Variants in SLC44A1 observed in about 807,000 individuals in gnomAD.
SLC44A1 encodes choline transporter-like protein 1.
SLC44A1 carries 26 observed loss-of-function variants against 79.3 expected under a neutral mutation model. That is an observed-to-expected ratio of 0.33 (90% CI 0.24 to 0.46). SLC44A1 has a LOEUF of 0.46. Ranked by LOEUF, SLC44A1 falls within the 20% of genes least tolerant of loss-of-function variation. The pLI is 1.00. For missense variants in SLC44A1, 688 were observed against 798.1 expected (o/e 0.86, Z 1.66); for synonymous variants, 263 against 286.2 (o/e 0.92, Z 0.82).
At chr9:105,340,626 T>C (rs1276286106) in intron 4 of SLC44A1, among the ~76,000 whole-genome samples, 1 of 152,244 alleles carries the variant, frequency 6.6e-6, no homozygotes, top group Non-Finnish European at 1.5e-5. Context: ...TTATACCTTA[T>C]TTTAAGATGC....
At chr9:105,386,115 G>A (rs532846816) in intron 15 of SLC44A1, 25 of 983,808 alleles carry the variant, frequency 2.5e-5, no homozygotes, top group Non-Finnish European at 2.9e-5. Context: ...CAGTTTAATT[G>A]TGAGATGGAT....
chr9:105,338,843 A>G (rs951220673), intron 4 of SLC44A1, among the ~76,000 whole-genome samples: 2 of 152,218 alleles, frequency 1.3e-5, no homozygotes, highest in Non-Finnish European at 2.9e-5. Context: ...TTTAGCCTCA[A>G]ATATATAGAC....
intron 3 of SLC44A1, among the ~76,000 whole-genome samples, chr9:105,316,505 T>G (rs755193504): frequency 1.2e-4 from 19 of 152,204 alleles, no homozygotes; most frequent in Admixed American, 1.1e-3. Context: ...AGCTGTTGAA[T>G]TATGGATGGT....
intron 3 of SLC44A1, among the ~76,000 whole-genome samples, chr9:105,310,872 A>G (rs1327897300): frequency 1.3e-5 from 2 of 152,224 alleles, no homozygotes; most frequent in South Asian, 2.1e-4. Flanking sequence ...AAATAAACAA[A>G]ATTGTAAATA....
intron 4 of SLC44A1, among the ~76,000 whole-genome samples, chr9:105,347,289 TATTTAATA>T (rs1827270438): frequency 6.6e-6 from 1 of 152,066 alleles, no homozygotes; most frequent in East Asian, 1.9e-4. Flanking sequence ...CTATTCTGTT[TATTTAATA>T]ATAAAGTATT....
At chr9:105,247,668 G>C (rs1829490000) in intron 1 of SLC44A1, among the ~76,000 whole-genome samples, 1 of 152,164 alleles carries the variant, frequency 6.6e-6, no homozygotes, top group Non-Finnish European at 1.5e-5. Flanking sequence ...AGCTTCTTGA[G>C]CACAGGAACT....
At chr9:105,381,951 C>T (rs1377814328) in intron 13 of SLC44A1, among the ~76,000 whole-genome samples, 1 of 152,170 alleles carries the variant, frequency 6.6e-6, no homozygotes, top group African/African-American at 2.4e-5. Flanking sequence ...TGCCATGATT[C>T]TAGGGGTCTC....
intron 5 of SLC44A1, among the ~76,000 whole-genome samples, chr9:105,351,593 AAAG>A (rs1564452713): frequency 2.9e-4 from 37 of 129,734 alleles, no homozygotes; most frequent in African/African-American, 4.1e-4. Flanking sequence ...AGAAAGAGAG[AAAG>A]AGAAAGAAAG....
At chr9:105,297,167 G>A (rs959358512) in intron 1 of SLC44A1, among the ~76,000 whole-genome samples, 8 of 152,024 alleles carry the variant, frequency 5.3e-5, no homozygotes, top group African/African-American at 1.7e-4. Context: ...CAAGCTAACT[G>A]GTTGTGTTTT....
chr9:105,282,175 T>TA (rs1486032540), intron 1 of SLC44A1, among the ~76,000 whole-genome samples: 1 of 152,112 alleles, frequency 6.6e-6, no homozygotes, highest in Non-Finnish European at 1.5e-5. Flanking sequence ...GGTTTATAGA[T>TA]ACATGTGTTT....
intron 1 of SLC44A1, among the ~76,000 whole-genome samples, chr9:105,260,528 C>T (rs1432292857): frequency 1.3e-5 from 2 of 152,190 alleles, no homozygotes; most frequent in Admixed American, 6.5e-5. Context: ...ACTTTAAGTG[C>T]ATCACAAACT....
intron 13 of SLC44A1, among the ~76,000 whole-genome samples, chr9:105,382,687 G>A (rs971450278): frequency 6.6e-6 from 1 of 152,092 alleles, no homozygotes; most frequent in African/African-American, 2.4e-5. Flanking sequence ...AAAGCTTATA[G>A]TGATTTGTTT....
chr9:105,382,898 A>T (rs1828514497), intron 13 of SLC44A1, among the ~76,000 whole-genome samples: 1 of 152,218 alleles, frequency 6.6e-6, no homozygotes, highest in African/African-American at 2.4e-5. Context: ...ATTATGTTTA[A>T]ACCAGAATCA....
chr9:105,404,793 C>T (rs1243230038), intron 15 of SLC44A1, among the ~76,000 whole-genome samples: 1 of 152,200 alleles, frequency 6.6e-6, no homozygotes, highest in East Asian at 1.9e-4. Flanking sequence ...CTGCCTCTTG[C>T]TGTAGAAGCT....
chr9:105,433,534 G>T (rs548535947), intron 15 of SLC44A1, among the ~76,000 whole-genome samples: 1 of 152,182 alleles, frequency 6.6e-6, no homozygotes, highest in South Asian at 2.1e-4. Flanking sequence ...CAGATCTTAA[G>T]GGAGGAGCAT....
rs1171999201 is a variant in SLC44A1, at chr9:105,356,365, T to C, written c.654T>C (p.Leu218=). 2 of 1,597,512 alleles carry C rather than the reference T, an allele frequency of 1.3e-6. No individual in the cohort carries two copies. The highest frequency in any genetic ancestry group is 1.7e-6 in the Non-Finnish European group (2 of 1,172,140). ...VMTSKEIILG[L]CLLSLVLSMI... ...CCAGCAAAGAAATTATATTGGGACTTTGCTTGTTATCACTAGGTAATTGTT... is the reference window on the plus strand; with the variant it reads ...CCAGCAAAGAAATTATATTGGGACTCTGCTTGTTATCACTAGGTAATTGTT... The change falls in exon 6 of 16, where the codon CTT becomes CTC. Residue 218 remains leucine (L), a synonymous_variant. Coordinates refer to ENST00000374720, the MANE Select transcript of SLC44A1 (RefSeq NM_080546.5).
chr9:105,431,042 C>T (rs10441771), intron 15 of SLC44A1, among the ~76,000 whole-genome samples: 6,245 of 152,226 alleles, frequency 0.041, 410 homozygotes, highest in African/African-American at 0.14. Context: ...CCTTTTCATA[C>T]ATTCATATGA....
At chr9:105,410,920 A>G (rs1259760711) in intron 15 of SLC44A1, among the ~76,000 whole-genome samples, 1 of 152,236 alleles carries the variant, frequency 6.6e-6, no homozygotes, top group African/African-American at 2.4e-5. Flanking sequence ...TGCTAAGGGG[A>G]AAAAGCCAGA....
chr9:105,406,752 A>T (rs116475981), intron 15 of SLC44A1, among the ~76,000 whole-genome samples: 11,433 of 152,090 alleles, frequency 0.075, 457 homozygotes, highest in Middle Eastern at 0.088. Flanking sequence ...TTTAAAAAAA[A>T]TTTTTTTAAA....
Sources: allele counts gnomAD v4.1 joint callset (sites outside exome capture counted in the v4.1 genomes callset), GRCh38; gene constraint gnomAD v4.1.1; transcripts MANE v1.5; gene names NCBI Gene and HGNC (gene_info 2026-07-23, HGNC 2026-07-21).